ATP10D: variants seen among roughly 807,000 people sequenced by gnomAD.
ATP10D encodes phospholipid-transporting ATPase VD.
A neutral mutation model predicts 144.8 loss-of-function variants in ATP10D; 89 were observed. The observed-to-expected ratio is 0.61, with a 90% CI of 0.52 to 0.73. The LOEUF is 0.73. Among genes scored for constraint, ATP10D ranks in the 30% least tolerant of loss-of-function variants. The probability of loss-of-function intolerance (pLI) is 0.00; values close to 1 mark genes in which losing one functional copy is unlikely to be tolerated. For missense variants in ATP10D, 1,603 were observed against 1,714.8 expected (o/e 0.93, Z 1.15); for synonymous variants, 571 against 615.1 (o/e 0.93, Z 1.06).
At chr4:47,590,034 A>G (rs1720957480) in intron 22 of ATP10D, among the ~76,000 whole-genome samples, 1 of 152,140 alleles carries the variant, frequency 6.6e-6, no homozygotes, top group Admixed American at 6.6e-5. Flanking sequence ...GTTGCTAGAA[A>G]TATGAATTTT....
rs548527000 is a variant in ATP10D, at chr4:47,576,796, G to A, written c.3390G>A (p.Trp1130Ter). The part of the protein sequence containing the change: ...KNVAYVNLLF[W>*]YQFFCGFSGT... ...AGGCCTATGTGAACCTCCTTTTCTG[G>A]TACCAGTTCTTTTGTGGATTTTCAG... is the stretch of plus-strand genomic sequence containing the variant. Residue 1130 changes from tryptophan to a stop codon, truncating the protein, a stop_gained, in exon 19 of 23, where the codon TGG (tryptophan) becomes TGA (stop). Coordinates refer to ENST00000273859, the MANE Select transcript of ATP10D (RefSeq NM_020453.4). LOFTEE classifies it high-confidence loss of function. 6 of 1,614,092 alleles carry A rather than the reference G, an allele frequency of 3.7e-6. No homozygotes were observed. Among genetic ancestry groups the A allele is most frequent in the East Asian group, 4.5e-5 (2 of 44,866 alleles).
intron 5 of ATP10D, among the ~76,000 whole-genome samples, chr4:47,533,014 C>T (rs1480591230): frequency 6.6e-6 from 1 of 152,078 alleles, no homozygotes; most frequent in Non-Finnish European, 1.5e-5. Context: ...AAATACAGGA[C>T]ATTTTTGGAA....
intron 14 of ATP10D, among the ~76,000 whole-genome samples, chr4:47,562,791 T>C (rs1719390533): frequency 6.6e-6 from 1 of 152,172 alleles, no homozygotes; most frequent in African/African-American, 2.4e-5. Context: ...GAATCAGATT[T>C]CTAAGTGTCC....
At position 47,554,744 on chromosome 4, in the gene ATP10D, G is replaced by T; in HGVS notation, c.1654G>T (p.Asp552Tyr). 1 of 1,612,494 alleles carries T rather than the reference G, an allele frequency of 6.2e-7. No homozygotes were observed. The highest frequency in any genetic ancestry group is 8.5e-7 in the Non-Finnish European group (1 of 1,179,114). ...SSPIETDVVP[D>Y]TRLLDKFSQI... ...TCTTCAGGAAACAGACGTGGTACCA[G>T]ACACCAGGCTTTTAGACAAATTTAG... The change falls in exon 11 of 23, where the codon GAC becomes TAC. Residue 552 changes from aspartate (D) to tyrosine (Y), a missense_variant. Asp to Tyr is a radical substitution (Grantham distance 160). Coordinates refer to ENST00000273859, the MANE Select transcript of ATP10D (RefSeq NM_020453.4).
In ATP10D at chr4:47,515,551, C is replaced by T; in HGVS notation, c.366C>T (p.Ile122=). Residue 122 remains isoleucine, a synonymous_variant, in exon 3 of 23, where the codon ATC becomes ATT. Coordinates refer to ENST00000273859, the MANE Select transcript of ATP10D (RefSeq NM_020453.4). The stretch of plus-strand genomic sequence containing the variant: ...TGGTAGAAGCCTTCCAAAAGGAAAT[C>T]ACCATGTTGCCTCTGGTGGTGGTCC... The part of the protein sequence containing the change: ...VPLVEAFQKE[I]TMLPLVVVLT... 6.2e-7 allele frequency: 1 copy of T among 1,613,740 alleles called. No homozygotes were observed.
chr4:47,486,965 T>G (rs755958032), intron 1 of ATP10D, among the ~76,000 whole-genome samples: 17 of 152,184 alleles, frequency 1.1e-4, no homozygotes, highest in Non-Finnish European at 2.1e-4. Flanking sequence ...GCGCAGTGGC[T>G]CATGCCTGTA....
chr4:47,591,440 T>G lies in ATP10D; in HGVS notation c.*59T>G. The G allele has an allele frequency of 7.1e-7, 1 of 1,409,338 alleles. No homozygotes were observed. The highest frequency in any genetic ancestry group is 9.6e-7 in the Non-Finnish European group (1 of 1,036,948). The allele number at this position is 1,409,338 out of a possible 1,614,324, so 87.3% of individuals were successfully genotyped here. ...GGTTGGAAGAGGGATTTTGAAGAGG[T>G]ATCTCTCCAAGCAAGAATGACTTGT... On this transcript the variant is annotated 3_prime_UTR_variant, in exon 23 of 23. Transcript: ENST00000273859.
intron 5 of ATP10D, among the ~76,000 whole-genome samples, chr4:47,529,645 G>A (rs1717457871): frequency 6.6e-6 from 1 of 151,880 alleles, no homozygotes; most frequent in Non-Finnish European, 1.5e-5. Context: ...GGTTCCTTAT[G>A]ATTTTAGAAT....
chr4:47,506,502 G>T (rs139164783), intron 1 of ATP10D, among the ~76,000 whole-genome samples: 140 of 152,238 alleles, frequency 9.2e-4, no homozygotes, highest in Non-Finnish European at 1.5e-3. Context: ...TGAAATATTG[G>T]ATGGGAAAAT....
intron 10 of ATP10D, among the ~76,000 whole-genome samples, chr4:47,551,471 A>G (rs558341325): frequency 1.1e-4 from 17 of 152,320 alleles, no homozygotes; most frequent in African/African-American, 3.6e-4. Flanking sequence ...GTGGGAGGTA[A>G]TATGTGTTTA....
chr4:47,540,449 A>G (rs1718080785), intron 9 of ATP10D, among the ~76,000 whole-genome samples: 1 of 152,216 alleles, frequency 6.6e-6, no homozygotes, highest in African/African-American at 2.4e-5. Flanking sequence ...CTTCAATTAA[A>G]TGCATTTTAA....
intron 14 of ATP10D, 88 bp from the exon 15 acceptor site, chr4:47,563,493 C>T: frequency 8.0e-7 from 1 of 1,252,938 alleles, no homozygotes; most frequent in Non-Finnish European, 1.1e-6. Context: ...GTTGAGTTGG[C>T]TAACAGATAT....
At chr4:47,570,750 C>T (rs1200107840) in intron 16 of ATP10D, among the ~76,000 whole-genome samples, 1 of 150,776 alleles carries the variant, frequency 6.6e-6, no homozygotes, top group East Asian at 1.9e-4. Flanking sequence ...TTGCAGTGAG[C>T]TGAGATTATG....
intron 4 of ATP10D, among the ~76,000 whole-genome samples, chr4:47,523,958 G>A (rs1226367222): frequency 2.6e-5 from 4 of 152,072 alleles, no homozygotes; most frequent in Non-Finnish European, 5.9e-5. Context: ...ACAGAGTCTC[G>A]CTCTATAGCC....
chr4:47,514,924 C>T (rs957956420), intron 2 of ATP10D, among the ~76,000 whole-genome samples: 1 of 151,752 alleles, frequency 6.6e-6, no homozygotes, highest in Non-Finnish European at 1.5e-5. Flanking sequence ...TGCTCAAGAC[C>T]GTCCCACTCA....
chr4:47,536,441 T>C lies in ATP10D; in HGVS notation c.1020T>C (p.His340=). 1.2e-6 allele frequency: 2 copies of C among 1,612,958 alleles called. No homozygotes were observed. Among genetic ancestry groups the C allele is most frequent in the Non-Finnish European group, 1.7e-6 (2 of 1,179,500 alleles). The change falls in exon 8 of 23, where the codon CAT becomes CAC. Residue 340 remains histidine, a synonymous_variant. Transcript: ENST00000273859. Reference sequence around the variant, plus strand: ...TGTCTGTGTATTTTTTGAAAGGTCATGGAATCTGGCTGAGCAGGTATGAAA... The same window carrying C: ...TGTCTGTGTATTTTTTGAAAGGTCACGGAATCTGGCTGAGCAGGTATGAAA... The part of the protein sequence containing the change: ...VIMCLTGAVG[H]GIWLSRYEKM...
chr4:47,555,195 G>A (rs1009845162), intron 11 of ATP10D, among the ~76,000 whole-genome samples: 1 of 152,172 alleles, frequency 6.6e-6, no homozygotes, highest in African/African-American at 2.4e-5. Context: ...CCTGAGCCCC[G>A]CCTCCTGTCA....
intron 11 of ATP10D, chr4:47,557,085 T>G (rs1254518065): frequency 6.6e-6 from 1 of 152,168 alleles, no homozygotes; most frequent in African/African-American, 2.4e-5. Flanking sequence ...ATATTATTAC[T>G]TGTTACTTTT....
At chr4:47,520,879 A>T (rs1193144794) in intron 3 of ATP10D, among the ~76,000 whole-genome samples, 1 of 151,940 alleles carries the variant, frequency 6.6e-6, no homozygotes, top group Non-Finnish European at 1.5e-5. Context: ...TGTAACTTCT[A>T]ATTACTCCCT....
Sources: gnomAD v4.1 joint callset for allele counts (sites outside exome capture counted in the v4.1 genomes callset) on GRCh38, gnomAD v4.1.1 for gene constraint, MANE v1.5 for transcripts, NCBI Gene and HGNC (gene_info 2026-07-23, HGNC 2026-07-21) for gene names.